CATSPERE: variants seen among roughly 807,000 people sequenced by gnomAD.
CATSPERE encodes cation channel sperm-associated auxiliary subunit epsilon.
In CATSPERE, 93 loss-of-function variants were observed where a neutral mutation model predicts 114.1. The ratio of observed to expected loss-of-function variants is 0.81; its 90% confidence interval spans 0.69 to 0.97. The LOEUF (loss-of-function observed/expected upper bound fraction) is 0.97, where lower values mean the gene tolerates loss of function less well. CATSPERE is among the 50% of genes least tolerant of loss of function. The probability of loss-of-function intolerance (pLI) is 0.00; values close to 1 mark genes in which losing one functional copy is unlikely to be tolerated. For synonymous variants in CATSPERE, 341 were observed against 384.1 expected, an observed-to-expected ratio of 0.89 and a Z score of 1.31; for missense variants, 1,058 against 1,131.6, an observed-to-expected ratio of 0.93 and a Z score of 0.93.
At chr1:244,501,927 C>G (rs1674094994) in intron 7 of CATSPERE, among the ~76,000 whole-genome samples, 1 of 152,204 alleles carries the variant, frequency 6.6e-6, no homozygotes, top group African/African-American at 2.4e-5. Context: ...TGTCTCCTCA[C>G]ACACACCTGC....
rs574575570 is a variant in CATSPERE at position 244,600,332 on chromosome 1, A to G, written c.2304-5363A>G. On this transcript the variant is annotated intron_variant, in intron 17 of 21. Transcript: ENST00000366534. ...GGCCAAGAGGCTCTTTCACAAATTCAGGATATATTAAGAGCTACCTAGTCC... is the reference window on the plus strand; with the variant it reads ...GGCCAAGAGGCTCTTTCACAAATTCGGGATATATTAAGAGCTACCTAGTCC... 1.3e-4 allele frequency among the ~76,000 whole-genome samples: 19 copies of G among 148,708 alleles called. No individual in the cohort carries two copies. The South Asian group carries it at 3.9e-3, about 31-fold the overall frequency.
At chr1:244,483,656 G>A (rs1670592217) in intron 5 of CATSPERE, among the ~76,000 whole-genome samples, 1 of 151,988 alleles carries the variant, frequency 6.6e-6, no homozygotes, top group Non-Finnish European at 1.5e-5. Context: ...CCACTTTTGA[G>A]TTATTTTTAT....
At chr1:244,623,115 CGGACTGAA>C (rs1558614519) in intron 20 of CATSPERE, among the ~76,000 whole-genome samples, 4 of 146,636 alleles carry the variant, frequency 2.7e-5, no homozygotes, top group African/African-American at 1.0e-4. Flanking sequence ...CTCTGTTGCC[CGGACTGAA>C]GTGCAGTGCA....
intron 8 of CATSPERE, among the ~76,000 whole-genome samples, chr1:244,536,783 A>G (rs1375226491): frequency 3.3e-5 from 5 of 152,172 alleles, no homozygotes; most frequent in Non-Finnish European, 1.5e-5. Flanking sequence ...ATAGTTGTTA[A>G]ATTTCATGTT....
At chr1:244,609,249 A>T (rs1163598654) in intron 18 of CATSPERE, among the ~76,000 whole-genome samples, 1 of 152,208 alleles carries the variant, frequency 6.6e-6, no homozygotes, top group African/African-American at 2.4e-5. Flanking sequence ...TCCTTCACCT[A>T]ATGAAATGTA....
chr1:244,496,072 A>G (rs1034373861), intron 6 of CATSPERE, among the ~76,000 whole-genome samples: 2 of 152,244 alleles, frequency 1.3e-5, no homozygotes, highest in African/African-American at 4.8e-5. Flanking sequence ...ACAAAAAAGG[A>G]TCAGTAACAA....
At chr1:244,488,615 G>C (rs58717849) in intron 5 of CATSPERE, among the ~76,000 whole-genome samples, 23,080 of 152,184 alleles carry the variant, frequency 0.15, 2,047 homozygotes, top group East Asian at 0.3. Flanking sequence ...GTATTAATAC[G>C]AAAGCCTTTC....
intron 1 of CATSPERE, among the ~76,000 whole-genome samples, 175 bp downstream of exon 1, chr1:244,461,669 A>G (rs553913545): frequency 6.6e-6 from 1 of 151,970 alleles, no homozygotes; most frequent in South Asian, 2.1e-4. Flanking sequence ...CCCACCCGAG[A>G]GTTTTCCATG....
In CATSPERE at chr1:244,560,738, A is replaced by T; in HGVS notation, c.1100A>T (p.Lys367Met). 1 of 1,614,040 alleles carries T rather than the reference A, an allele frequency of 6.2e-7. No homozygotes were observed. Among genetic ancestry groups the T allele is most frequent in the Non-Finnish European group, 8.5e-7 (1 of 1,179,982 alleles). The change falls in exon 10 of 22, where the codon AAG becomes ATG. Residue 367 changes from lysine to methionine, a missense_variant. Physicochemically the swap from Lys to Met is moderately conservative, Grantham distance 95. Coordinates refer to ENST00000366534, the MANE Select transcript of CATSPERE (RefSeq NM_001130957.2). ...ATTTACCTCGGATCCATTCTTCTTA[A>T]GTTTGCCAGATTAGTAACTACCACA... ...NEIYLGSILL[K>M]FARLVTTTEL...
chr1:244,548,285 T>C lies in CATSPERE; in HGVS notation c.537-4037T>C, dbSNP rs1572691530. Among the ~76,000 whole-genome samples the C allele has an allele frequency of 2.6e-5, 4 of 152,310 alleles. No homozygotes were observed. The East Asian group carries it at 5.8e-4, about 22-fold the overall frequency. On this transcript the variant is annotated intron_variant, in intron 8 of 21. Transcript: ENST00000366534. ...AAGAAAGTAGCCATGGTAGCAGAAA[T>C]TGAGGTTATTCATGGGCTCAGCAAC...
chr1:244,476,162 G>C (rs890904538), intron 2 of CATSPERE, among the ~76,000 whole-genome samples: 1 of 151,980 alleles, frequency 6.6e-6, no homozygotes, highest in Non-Finnish European at 1.5e-5. Context: ...TTTAGGGGCC[G>C]GGTACAGTGG....
intron 2 of CATSPERE, among the ~76,000 whole-genome samples, chr1:244,472,972 C>T (rs1668727935): frequency 6.6e-6 from 1 of 152,170 alleles, no homozygotes; most frequent in African/African-American, 2.4e-5. Flanking sequence ...TTCATTTTAG[C>T]ACTGAGTAAT....
intron 21 of CATSPERE, among the ~76,000 whole-genome samples, chr1:244,637,130 G>C (rs943982180): frequency 6.6e-6 from 1 of 151,980 alleles, no homozygotes; most frequent in Admixed American, 6.5e-5. Flanking sequence ...ACCTCAGGGG[G>C]CCCTATTACC....
In CATSPERE at chr1:244,504,106, G is replaced by C. The variant is rs1419958618; in HGVS notation, c.429+5027G>C. Among the ~76,000 whole-genome samples the C allele has an allele frequency of 6.6e-6, 1 of 151,900 alleles. No individual in the cohort carries two copies. Among genetic ancestry groups the C allele is most frequent in the African/African-American group, 2.4e-5 (1 of 41,338 alleles). ...AACCATAGTAGAATGTAAAACCAAT[G>C]TGGGACAGTTAAATATTCCTCTGTT... is the stretch of plus-strand genomic sequence containing the variant. On this transcript the variant is annotated intron_variant, in intron 7 of 21. Coordinates refer to ENST00000366534, the MANE Select transcript of CATSPERE (RefSeq NM_001130957.2). The surrounding 1 kb of genome is among the most constrained non-coding windows in gnomAD (Gnocchi z 4.1).
upstream of CATSPERE, chr1:244,451,666 G>A (rs750644509): frequency 1.2e-6 from 2 of 1,610,998 alleles, no homozygotes; most frequent in South Asian, 1.1e-5. The surrounding 1 kb of genome is among the most constrained non-coding windows in gnomAD (Gnocchi z 6.6). Context: ...GGCGTCCTGC[G>A]CCAGCAGGTC....
chr1:244,639,282 T>C lies in CATSPERE; in HGVS notation c.2703-646T>C, dbSNP rs147404690. Among the ~76,000 whole-genome samples, 1,233 of 152,336 alleles carry C rather than the reference T, an allele frequency of 8.1e-3. 5 individuals are homozygous for C. The highest frequency in any genetic ancestry group is 0.037 in the Middle Eastern group (11 of 294). ...ATTCCTCCACTCTTAGGCATTTTTA[T>C]CTAGCTAACTCCTACTCCCACTCAT... On this transcript the variant is annotated intron_variant, in intron 21 of 21. Coordinates refer to ENST00000366534, the MANE Select transcript of CATSPERE (RefSeq NM_001130957.2).
intron 20 of CATSPERE, among the ~76,000 whole-genome samples, chr1:244,634,640 T>C (rs2653151): frequency 0.88 from 134,607 of 152,278 alleles, 59,598 homozygotes; most frequent in East Asian, 0.92. Flanking sequence ...CAGGTCAACA[T>C]GATGGGCAGC....
rs1664745392 is a variant in CATSPERE at position 244,573,341 on chromosome 1, G to A, written c.1950+569G>A. ...CAGGAGAATGGTGTGAACCCAGGAG[G>A]TGGAGGTTGCAGTGAGCCGAGATCA... On this transcript the variant is annotated intron_variant, in intron 11 of 21. Coordinates refer to ENST00000366534, the MANE Select transcript of CATSPERE (RefSeq NM_001130957.2). This position sits in a 1 kb window ranked among gnomAD's most constrained non-coding sequence, Gnocchi z 4.0. 6.6e-6 allele frequency among the ~76,000 whole-genome samples: 1 copy of A among 151,606 alleles called. No homozygotes were observed. The highest frequency in any genetic ancestry group is 1.5e-5 in the Non-Finnish European group (1 of 67,888).
intron 8 of CATSPERE, among the ~76,000 whole-genome samples, chr1:244,547,912 A>C (rs1660011255): frequency 6.6e-6 from 1 of 152,238 alleles, no homozygotes; most frequent in Non-Finnish European, 1.5e-5. Flanking sequence ...TTCACCTGTG[A>C]GGACACACAT....
Sources: allele counts gnomAD v4.1 joint callset (sites outside exome capture counted in the v4.1 genomes callset), GRCh38; gene constraint gnomAD v4.1.1; non-coding constraint Gnocchi (gnomAD v3.1); transcripts MANE v1.5; gene names NCBI Gene and HGNC (gene_info 2026-07-23, HGNC 2026-07-21).